The following CDC73 variants were observed in gnomAD, a reference collection of about 807,000 sequenced individuals.
CDC73 encodes the protein parafibromin.
CDC73 carries 21 observed loss-of-function variants against 83.7 expected under a neutral mutation model. That is an observed-to-expected ratio of 0.25 (90% confidence interval 0.18 to 0.36). CDC73 has a LOEUF of 0.36. Among genes scored for constraint, CDC73 ranks in the 10% least tolerant of loss-of-function variants. The pLI is 1.00. For synonymous variants in CDC73, 224 were observed against 212.9 expected (o/e 1.05, Z -0.45); for missense variants, 342 against 653.3 (o/e 0.52, Z 5.19).
chr1:193,132,179 T>C lies in CDC73; in HGVS notation c.307+1936T>C, dbSNP rs145339422. Among the ~76,000 whole-genome samples the C allele has an allele frequency of 3.3e-5, 5 of 152,368 alleles. No individual in the cohort carries two copies. In the East Asian group the frequency reaches 9.6e-4, roughly 29 times the overall value. On this transcript the variant is annotated intron_variant, in intron 3 of 16. Coordinates refer to ENST00000367435, the MANE Select transcript of CDC73 (RefSeq NM_024529.5). The stretch of plus-strand genomic sequence containing the variant: ...CTTTAAGTCATTAACAGCTGTCTTG[T>C]CATGCATGGCTTTAAGCAGTAAGAT...
intron 8 of CDC73, among the ~76,000 whole-genome samples, 190 bp downstream of exon 8, chr1:193,148,155 CTGGAGCAGTAATTCTTAAT>C (rs1676042760): frequency 6.6e-6 from 1 of 152,178 alleles, no homozygotes; most frequent in Admixed American, 6.5e-5. Context: ...TAATTCTTAA[CTGGAGCAGTAATTCTTAAT>C]ATACCTGGGT....
At position 193,156,710 on chromosome 1, in the gene CDC73, G is replaced by A. The variant is rs150960273; in HGVS notation, c.972+4266G>A. Among the ~76,000 whole-genome samples, 270 of 152,098 alleles carry A rather than the reference G, an allele frequency of 1.8e-3. 5 individuals are homozygous for A. The East Asian group carries it at 0.04, about 22-fold the overall frequency. On this transcript the variant is annotated intron_variant, in intron 10 of 16. Coordinates refer to ENST00000367435, the MANE Select transcript of CDC73 (RefSeq NM_024529.5). ...TGTTCATCTCTGCTTGAAGTGTTAC[G>A]GGAGTGCTATAGTAGCAGTAATGTT...
At chr1:193,202,502 A>G (rs989111041) in intron 10 of CDC73, among the ~76,000 whole-genome samples, 2 of 152,022 alleles carry the variant, frequency 1.3e-5, no homozygotes, top group Non-Finnish European at 2.9e-5. Context: ...CAATACATCT[A>G]TGAAACCAGC....
chr1:193,200,658 C>T (rs1400966120), intron 10 of CDC73, among the ~76,000 whole-genome samples: 6 of 152,150 alleles, frequency 3.9e-5, no homozygotes, highest in East Asian at 1.9e-4. Flanking sequence ...TTCTTTTCCC[C>T]GCTGGGTAGT....
In CDC73 at chr1:193,147,486, G is replaced by A. The variant is rs949767971; in HGVS notation, c.730-381G>A. ...GTGTTCACACCATATTCCTGCCTCA[G>A]CCTCCCGAGTAGCTGGGACTACAGG... On this transcript the variant is annotated intron_variant, in intron 7 of 16. Transcript: ENST00000367435. Among the ~76,000 whole-genome samples the A allele has an allele frequency of 1.3e-4, 19 of 151,108 alleles. 1 individual carries two copies. The East Asian group carries it at 3.1e-3, about 25-fold the overall frequency.
At chr1:193,191,355 T>TA (rs1292274398) in intron 10 of CDC73, among the ~76,000 whole-genome samples, 4 of 152,198 alleles carry the variant, frequency 2.6e-5, no homozygotes, top group Non-Finnish European at 5.9e-5. Flanking sequence ...GTCTGAGACT[T>TA]ACATACTGAA....
chr1:193,225,880 T>A (rs537774751), intron 13 of CDC73, among the ~76,000 whole-genome samples: 1 of 152,306 alleles, frequency 6.6e-6, no homozygotes, highest in East Asian at 1.9e-4. Context: ...TGACTGTTCC[T>A]TTTGCCGTGC....
chr1:193,229,190 A>G (rs1677614674), intron 13 of CDC73, among the ~76,000 whole-genome samples: 1 of 152,244 alleles, frequency 6.6e-6, no homozygotes, highest in South Asian at 2.1e-4. Flanking sequence ...AAAGTTATAC[A>G]TACCCCATGA....
At chr1:193,157,868 CCTTT>C (rs983197499) in intron 10 of CDC73, among the ~76,000 whole-genome samples, 2 of 151,954 alleles carry the variant, frequency 1.3e-5, no homozygotes, top group African/African-American at 2.4e-5. Flanking sequence ...GGTTATTTAA[CCTTT>C]CTATCAGTGA....
chr1:193,224,560 T>C (rs141491509), intron 13 of CDC73, among the ~76,000 whole-genome samples: 1,563 of 152,256 alleles, frequency 0.01, 14 homozygotes, highest in South Asian at 0.034. Context: ...ATGTGAAATA[T>C]GCATTCACAT....
At chr1:193,170,314 A>G (rs1044308526) in intron 10 of CDC73, among the ~76,000 whole-genome samples, 7 of 152,214 alleles carry the variant, frequency 4.6e-5, no homozygotes, top group Admixed American at 1.3e-4. Context: ...TATAACCAGT[A>G]ATGAGATTGC....
chr1:193,230,349 A>T (rs1677639577), intron 13 of CDC73, among the ~76,000 whole-genome samples: 1 of 151,194 alleles, frequency 6.6e-6, no homozygotes, highest in Non-Finnish European at 1.5e-5. Flanking sequence ...GGATTTCACC[A>T]TGTTGGCCAG....
chr1:193,212,140 G>A (rs952301774), intron 12 of CDC73, 40 bp downstream of exon 12: 29 of 1,457,294 alleles, frequency 2.0e-5, no homozygotes, highest in Admixed American at 7.6e-5. Flanking sequence ...ACTTTAAAAA[G>A]TAAATGATTG....
chr1:193,216,124 G>A (rs1214857924), intron 13 of CDC73, among the ~76,000 whole-genome samples: 2 of 152,104 alleles, frequency 1.3e-5, no homozygotes, highest in African/African-American at 4.8e-5. Flanking sequence ...AAATTGATAT[G>A]TGAAAATCCA....
At chr1:193,133,590 A>G (rs934546051) in intron 3 of CDC73, among the ~76,000 whole-genome samples, 4 of 152,230 alleles carry the variant, frequency 2.6e-5, no homozygotes, top group African/African-American at 9.6e-5. Flanking sequence ...TGTGAATTTA[A>G]CATATGATTA....
At chr1:193,205,742 A>T (rs1677178164) in intron 11 of CDC73, among the ~76,000 whole-genome samples, 1 of 152,164 alleles carries the variant, frequency 6.6e-6, no homozygotes. Context: ...TATTATTTGA[A>T]TTTCTATATA....
chr1:193,243,758 T>G (rs978844077), intron 15 of CDC73, among the ~76,000 whole-genome samples: 1 of 152,228 alleles, frequency 6.6e-6, no homozygotes, highest in East Asian at 1.9e-4. Context: ...GCCCCTTTAA[T>G]GAATTTGATT....
At chr1:193,175,015 A>G (rs998196551) in intron 10 of CDC73, among the ~76,000 whole-genome samples, 8 of 152,104 alleles carry the variant, frequency 5.3e-5, no homozygotes, top group African/African-American at 1.9e-4. Context: ...GTCTCGAGGG[A>G]GAGAGAATAA....
At chr1:193,137,750 A>G (rs1379002791) in intron 5 of CDC73, among the ~76,000 whole-genome samples, 1 of 152,238 alleles carries the variant, frequency 6.6e-6, no homozygotes, top group African/African-American at 2.4e-5. Context: ...GCTTGTCATA[A>G]CATTTGGTTA....
Sources: allele counts gnomAD v4.1 joint callset (sites outside exome capture counted in the v4.1 genomes callset), GRCh38; gene constraint gnomAD v4.1.1; transcripts MANE v1.5; gene names NCBI Gene and HGNC (gene_info 2026-07-23, HGNC 2026-07-21).